Variants in DCT observed in about 807,000 individuals in gnomAD.
DCT encodes L-dopachrome tautomerase.
Under a neutral mutation model 53.0 loss-of-function variants are expected in DCT, and 47 were observed. The ratio of observed to expected loss-of-function variants is 0.89; its 90% CI spans 0.70 to 1.13. The LOEUF is 1.13. Ranked by LOEUF, DCT falls within the 50% of genes most tolerant of loss-of-function variation. The probability of loss-of-function intolerance (pLI) is 0.00; values close to 1 mark genes in which losing one functional copy is unlikely to be tolerated. For missense variants in DCT, 669 were observed against 637.4 expected, an observed-to-expected ratio of 1.05 and a Z score of -0.53; for synonymous variants, 244 against 237.0, an observed-to-expected ratio of 1.03 and a Z score of -0.27.
chr13:94,521,717 C>T, the DCT span, among the ~76,000 whole-genome samples: 1 of 152,018 alleles, frequency 6.6e-6, no homozygotes, highest in Non-Finnish European at 1.5e-5. Flanking sequence ...TTAGTAATTT[C>T]AATTGCTGCT....
the DCT span, among the ~76,000 whole-genome samples, chr13:94,511,413 G>A: frequency 4.7e-5 from 7 of 149,248 alleles, no homozygotes; most frequent in Non-Finnish European, 7.4e-5. Context: ...AGGCTGCAGT[G>A]CAGTGGCATG....
chr13:94,497,057 A>G, the DCT span, among the ~76,000 whole-genome samples: 8 of 152,264 alleles, frequency 5.3e-5, no homozygotes, highest in Non-Finnish European at 1.2e-4. Context: ...CTGGGCACCC[A>G]GACATTTGGT....
intron 3 of DCT, among the ~76,000 whole-genome samples, 169 bp from the exon 4 acceptor site, chr13:94,465,968 T>TCATA (rs1884168688): frequency 1.3e-5 from 1 of 77,834 alleles, no homozygotes; most frequent in Non-Finnish European, 2.2e-5. Flanking sequence ...TGTGTATATT[T>TCATA]TATATATATA....
chr13:94,468,855 G>A lies in DCT; in HGVS notation c.486C>T (p.His162=), dbSNP rs962907957. Residue 162 remains histidine (H), a synonymous_variant, in exon 2 of 8, where the codon CAC becomes CAT. Transcript: ENST00000377028. ...CATTGGGCCCAAGCAGGCCCAGCCAGTGTTGTGTGGTGATCACGTAGTCGG... is the reference window on the plus strand; with the variant it reads ...CATTGGGCCCAAGCAGGCCCAGCCAATGTTGTGTGGTGATCACGTAGTCGG... ...VHPDYVITTQ[H]WLGLLGPNGT... 4 of 1,614,244 alleles carry A rather than the reference G, an allele frequency of 2.5e-6. No individual in the cohort carries two copies. The highest frequency in any genetic ancestry group is 1.7e-5 in the Admixed American group (1 of 60,034).
chr13:94,488,354 T>C, the DCT span, among the ~76,000 whole-genome samples: 6 of 152,098 alleles, frequency 3.9e-5, no homozygotes, highest in Non-Finnish European at 7.4e-5. Context: ...ACAACTTTAG[T>C]ACTAATGGAT....
At chr13:94,464,336 G>A (rs1289159786) in intron 4 of DCT, among the ~76,000 whole-genome samples, 1 of 152,192 alleles carries the variant, frequency 6.6e-6, no homozygotes, top group East Asian at 1.9e-4. Flanking sequence ...GAGCAGTGGG[G>A]TTAAAAACAT....
At chr13:94,498,840 T>C in the DCT span, among the ~76,000 whole-genome samples, 1 of 152,104 alleles carries the variant, frequency 6.6e-6, no homozygotes, top group Non-Finnish European at 1.5e-5. Flanking sequence ...ACACCAATCA[T>C]TGCTCTATGT....
At chr13:94,546,967 C>T in the DCT span, among the ~76,000 whole-genome samples, 1 of 151,974 alleles carries the variant, frequency 6.6e-6, no homozygotes, top group Non-Finnish European at 1.5e-5. This position sits in a 1 kb window ranked among gnomAD's most constrained non-coding sequence, Gnocchi z 4.2. Context: ...GACAGCCCAC[C>T]CCAAGGGAAG....
intron 1 of DCT, among the ~76,000 whole-genome samples, chr13:94,475,448 A>G (rs1050209970): frequency 6.6e-6 from 1 of 152,200 alleles, no homozygotes; most frequent in Non-Finnish European, 1.5e-5. Flanking sequence ...CAAACTCTGC[A>G]TGATTATTCT....
chr13:94,475,999 G>T (rs1885050322), intron 1 of DCT, among the ~76,000 whole-genome samples: 1 of 152,184 alleles, frequency 6.6e-6, no homozygotes, highest in South Asian at 2.1e-4. Flanking sequence ...GCCACAGCCT[G>T]GAGATGGGGC....
At chr13:94,476,730 T>G (rs1885115960) in intron 1 of DCT, among the ~76,000 whole-genome samples, 1 of 152,132 alleles carries the variant, frequency 6.6e-6, no homozygotes, top group Non-Finnish European at 1.5e-5. Flanking sequence ...CCAAAGTGCT[T>G]GGCTCCCAAA....
the DCT span, among the ~76,000 whole-genome samples, chr13:94,511,588 G>C: frequency 6.6e-6 from 1 of 152,016 alleles, no homozygotes; most frequent in Non-Finnish European, 1.5e-5. Context: ...TCAAACTCCT[G>C]ACCTCAAGTG....
chr13:94,509,105 A>G, the DCT span, among the ~76,000 whole-genome samples: 1 of 152,160 alleles, frequency 6.6e-6, no homozygotes, highest in African/African-American at 2.4e-5. Context: ...TTGAGTTGAG[A>G]GAAGCAAACT....
At chr13:94,541,590 C>T in the DCT span, among the ~76,000 whole-genome samples, 1 of 152,050 alleles carries the variant, frequency 6.6e-6, no homozygotes, top group African/African-American at 2.4e-5. Flanking sequence ...TAGGTTGGTG[C>T]AAAAGTAACT....
chr13:94,511,624 T>G, the DCT span, among the ~76,000 whole-genome samples: 7 of 152,200 alleles, frequency 4.6e-5, no homozygotes, highest in East Asian at 1.2e-3. Flanking sequence ...CCTCCCAAAG[T>G]GCTAGGATTA....
the DCT span, among the ~76,000 whole-genome samples, chr13:94,547,046 A>C: frequency 1.3e-5 from 2 of 152,072 alleles, no homozygotes; most frequent in African/African-American, 4.8e-5. Flanking sequence ...GAGGTCAAAC[A>C]GGGCTCTTGA....
the DCT span, among the ~76,000 whole-genome samples, chr13:94,503,368 C>T: frequency 6.8e-6 from 1 of 146,968 alleles, no homozygotes; most frequent in Non-Finnish European, 1.5e-5. Context: ...TGACAGAGAC[C>T]CCATTTCAAA....
chr13:94,541,963 C>T, the DCT span, among the ~76,000 whole-genome samples: 3 of 152,284 alleles, frequency 2.0e-5, no homozygotes, highest in Admixed American at 1.3e-4. Context: ...CATCATTTGC[C>T]TTCATACAGG....
In DCT at chr13:94,466,566, C is replaced by T; in HGVS notation, c.688G>A (p.Asp230Asn). The change falls in exon 3 of 8, where the codon GAT (aspartate) becomes AAT (asparagine). Residue 230 changes from aspartate (D) to asparagine (N), a missense_variant. By Grantham distance (23) the Asp-to-Asn change is conservative. Transcript: ENST00000377028. ...HRYHLLCLER[D>N]LQRLIGNESF... is the part of the protein sequence containing the mutation. The stretch of plus-strand genomic sequence containing the variant: ...GCATAGTTTTGACCTACCTGGAGAT[C>T]TCTTTCCAGACACAACAAATGGTAC... 1 of 1,603,032 alleles carries T rather than the reference C, an allele frequency of 6.2e-7. No homozygotes were observed. Among genetic ancestry groups the T allele is most frequent in the Non-Finnish European group, 8.5e-7 (1 of 1,174,768 alleles).
Sources: gnomAD v4.1 joint callset for allele counts (sites outside exome capture counted in the v4.1 genomes callset) on GRCh38, gnomAD v4.1.1 for gene constraint, Gnocchi (gnomAD v3.1) non-coding constraint, MANE v1.5 for transcripts, NCBI Gene and HGNC (gene_info 2026-07-23, HGNC 2026-07-21) for gene names.